Variants in TUT1 observed in about 807,000 individuals in gnomAD.
TUT1 encodes speckle targeted PIP5K1A-regulated poly(A) polymerase.
TUT1 carries 26 observed loss-of-function variants against 48.8 expected under a neutral mutation model. That is an observed-to-expected ratio of 0.53 (90% CI 0.39 to 0.74). The LOEUF is 0.74. Ranked by LOEUF, TUT1 falls within the 30% of genes least tolerant of loss-of-function variation. TUT1 has a pLI of 0.00. For synonymous variants in TUT1, 470 were observed against 460.8 expected (o/e 1.02, Z -0.26); for missense variants, 1,065 against 1,114.8 (o/e 0.96, Z 0.64).
chr11:62,589,744 A>T (rs1941979027), intron 1 of TUT1, among the ~76,000 whole-genome samples: 1 of 152,248 alleles, frequency 6.6e-6, no homozygotes, highest in Non-Finnish European at 1.5e-5. Context: ...TCATCTACAC[A>T]AGAACTAAAA....
Position 62,581,519 on chromosome 11 carries a change from C to CGCCAAA in TUT1, c.455_456insTTTGGC (p.Leu153_Ala154dup), listed in dbSNP as rs1565267436. 5 of 1,614,090 alleles carry CGCCAAA rather than the reference C, an allele frequency of 3.1e-6. No individual in the cohort carries two copies. Among genetic ancestry groups the CGCCAAA allele is most frequent in the Non-Finnish European group, 3.4e-6 (4 of 1,180,052 alleles). On this transcript the variant is annotated inframe_insertion, in exon 3 of 9. Transcript: ENST00000476907. ...CCCCCACGTCTGCAGCCTCAGCTAG[C>CGCCAAA]GCTTTGGCCAGCTGGTGACTGTCGG...
chr11:62,579,182 A>G (rs1284031614), intron 4 of TUT1, 152 bp from the exon 5 acceptor site: 1 of 469,862 alleles, frequency 2.1e-6, no homozygotes, highest in East Asian at 3.8e-5. Flanking sequence ...TTTTTTTTTT[A>G]AAGATAACCT....
At chr11:62,590,768 C>T (rs1364933977) in intron 1 of TUT1, among the ~76,000 whole-genome samples, 1 of 151,274 alleles carries the variant, frequency 6.6e-6, no homozygotes, top group Non-Finnish European at 1.5e-5. Flanking sequence ...GCCAAGATCA[C>T]ACCACCGCAC....
At chr11:62,576,541 T>A (rs1941731156) in intron 8 of TUT1, 116 bp downstream of exon 8, 1 of 928,190 alleles carries the variant, frequency 1.1e-6, no homozygotes, top group Non-Finnish European at 1.7e-6. Context: ...GTAATAATAT[T>A]AGGTATCTCA....
chr11:62,576,844 A>G (rs1941737217), intron 7 of TUT1, 63 bp downstream of exon 7: 1 of 1,591,972 alleles, frequency 6.3e-7, no homozygotes, highest in Non-Finnish European at 8.6e-7. Flanking sequence ...TGGTGTATCT[A>G]AGTGTGATGA....
chr11:62,582,775 T>A (rs553713904), intron 2 of TUT1, among the ~76,000 whole-genome samples: 3 of 152,340 alleles, frequency 2.0e-5, no homozygotes, highest in Non-Finnish European at 4.4e-5. Context: ...TAGAATTTTT[T>A]TAAACATTTA....
chr11:62,579,820 C>G (rs902457689), intron 4 of TUT1, among the ~76,000 whole-genome samples: 4 of 151,984 alleles, frequency 2.6e-5, no homozygotes, highest in African/African-American at 9.7e-5. Context: ...TACGTGCCAC[C>G]ATACCCGGCT....
intron 6 of TUT1, 31 bp from the exon 7 acceptor site, chr11:62,577,048 T>C: frequency 6.2e-7 from 1 of 1,606,342 alleles, no homozygotes; most frequent in Non-Finnish European, 8.5e-7. Flanking sequence ...TCCGGTTAGA[T>C]CAGAGGTGCT....
Position 62,575,740 on chromosome 11 carries a change from CTT to C in TUT1, c.1977_1978del (p.Arg660ThrfsTer11). The C allele has an allele frequency of 6.2e-7, 1 of 1,614,192 alleles. No homozygotes were observed. The highest frequency in any genetic ancestry group is 8.5e-7 in the Non-Finnish European group (1 of 1,180,020). ...GTTTTTCTGTCCATCTACTTTGAGT[CTT>C]TTGCTTGTCCCTCCCTGAGAGGACT... On this transcript the variant is annotated frameshift_variant, in exon 9 of 9. Transcript: ENST00000476907. LOFTEE classifies it low-confidence loss of function (END_TRUNC).
In TUT1 at chr11:62,575,055, A is replaced by T; in HGVS notation, c.*39T>A. On this transcript the variant is annotated 3_prime_UTR_variant, in exon 9 of 9. Coordinates refer to ENST00000476907, the MANE Select transcript of TUT1 (RefSeq NM_022830.3). ...TGAAAGGAAACGGGAGACTGTATTA[A>T]TAAACTAGCAGCTTTATTGCCCTTC... 6.5e-7 allele frequency: 1 copy of T among 1,546,956 alleles called. No individual in the cohort carries two copies. Among genetic ancestry groups the T allele is most frequent in the South Asian group, 1.3e-5 (1 of 79,870 alleles).
chr11:62,580,383 C>A (rs564392880), intron 4 of TUT1, among the ~76,000 whole-genome samples: 22 of 151,520 alleles, frequency 1.5e-4, no homozygotes, highest in Middle Eastern at 3.4e-3. Flanking sequence ...TCACTTGAAC[C>A]CAGGAGGTGG....
chr11:62,581,902 T>C (rs1019569350), intron 2 of TUT1, among the ~76,000 whole-genome samples: 2 of 152,140 alleles, frequency 1.3e-5, no homozygotes, highest in African/African-American at 2.4e-5. Flanking sequence ...TCCCAGCACT[T>C]TGGGAGGCTG....
rs750989080 is a variant in TUT1, at chr11:62,575,566, G to A, written c.2153C>T (p.Thr718Ile). The change falls in exon 9 of 9, where the codon ACT (threonine) becomes ATT (isoleucine). Residue 718 changes from threonine to isoleucine, a missense_variant. Coordinates refer to ENST00000476907, the MANE Select transcript of TUT1 (RefSeq NM_022830.3). ...TTCTCCAGGGGCTCCATGCTTTCCAGTGGTCAGGGGCAGGTCCCCTGGCTG... is the reference window on the plus strand; with the variant it reads ...TTCTCCAGGGGCTCCATGCTTTCCAATGGTCAGGGGCAGGTCCCCTGGCTG... Reference protein sequence around the residue: ...PGQPGDLPLTTGKHGAPGEEG... With the variant: ...PGQPGDLPLTIGKHGAPGEEG... 1.4e-5 allele frequency: 22 copies of A among 1,613,934 alleles called. No homozygotes were observed. The highest frequency in any genetic ancestry group is 8.5e-6 in the Non-Finnish European group (10 of 1,180,032).
chr11:62,581,289 A>G (rs951067504), intron 3 of TUT1, 83 bp from the exon 4 acceptor site: 19 of 1,567,180 alleles, frequency 1.2e-5, no homozygotes, highest in Admixed American at 8.6e-5. Flanking sequence ...AAGATGGAAG[A>G]GCAACCAAAC....
chr11:62,579,125 C>T (rs1275207369), intron 4 of TUT1, 95 bp from the exon 5 acceptor site: 3 of 957,200 alleles, frequency 3.1e-6, no homozygotes, highest in East Asian at 5.9e-5. Flanking sequence ...CAGCTCTATT[C>T]TAAGGTCTTT....
At chr11:62,579,173 T>G in intron 4 of TUT1, 143 bp from the exon 5 acceptor site, 2 of 530,980 alleles carry the variant, frequency 3.8e-6, no homozygotes. Context: ...AGGAACCCTT[T>G]TTTTTTTTAA....
chr11:62,591,194 G>T, intron 1 of TUT1: 1 of 534,396 alleles, frequency 1.9e-6, no homozygotes, highest in Non-Finnish European at 2.4e-6. Flanking sequence ...TTAAACTTGC[G>T]TTGTGGAGAT....
intron 2 of TUT1, among the ~76,000 whole-genome samples, chr11:62,585,450 A>C (rs1941895805): frequency 6.6e-6 from 1 of 152,210 alleles, no homozygotes; most frequent in Admixed American, 6.5e-5. Context: ...ATGGAAATTA[A>C]GAGTCTCTTT....
chr11:62,576,549 TCA>T, intron 8 of TUT1, 106 bp downstream of exon 8: 4 of 1,015,310 alleles, frequency 3.9e-6, no homozygotes, highest in Non-Finnish European at 6.0e-6. Context: ...ATTAGGTATC[TCA>T]CAGGCTTTCT....
Sources: allele counts gnomAD v4.1 joint callset (sites outside exome capture counted in the v4.1 genomes callset), GRCh38; gene constraint gnomAD v4.1.1; transcripts MANE v1.5; gene names NCBI Gene and HGNC (gene_info 2026-07-23, HGNC 2026-07-21).